Variants in F13A1 observed in about 807,000 individuals in gnomAD.
The protein encoded by F13A1 is FSF, A subunit.
A neutral mutation model predicts 80.1 loss-of-function variants in F13A1; 47 were observed. The observed-to-expected ratio is 0.59, with a 90% CI of 0.46 to 0.75. F13A1 has a LOEUF of 0.75. Among genes scored for constraint, F13A1 ranks in the 30% least tolerant of loss-of-function variants. The probability of loss-of-function intolerance (pLI) is 0.00; values close to 1 mark genes in which losing one functional copy is unlikely to be tolerated. For missense variants in F13A1, 817 were observed against 930.4 expected, an observed-to-expected ratio of 0.88 and a Z score of 1.59; for synonymous variants, 349 against 344.9, an observed-to-expected ratio of 1.01 and a Z score of -0.13.
intron 4 of F13A1, among the ~76,000 whole-genome samples, chr6:6,253,774 T>G (rs1757667917): frequency 6.6e-6 from 1 of 152,204 alleles, no homozygotes; most frequent in Admixed American, 6.5e-5. Flanking sequence ...TGGAAGGAGC[T>G]AGATGTGTAT....
chr6:6,285,315 G>A (rs1327904319), intron 3 of F13A1, among the ~76,000 whole-genome samples: 3 of 152,352 alleles, frequency 2.0e-5, no homozygotes, highest in South Asian at 2.1e-4. Flanking sequence ...GTCACAAACT[G>A]CTGGACACAG....
At chr6:6,274,825 GA>G (rs1757966231) in intron 3 of F13A1, among the ~76,000 whole-genome samples, 1 of 152,192 alleles carries the variant, frequency 6.6e-6, no homozygotes, top group African/African-American at 2.4e-5. Context: ...CTTAAAGGTG[GA>G]AAAGGTAGAG....
At chr6:6,203,626 C>T (rs1309688583) in intron 8 of F13A1, among the ~76,000 whole-genome samples, 1 of 152,164 alleles carries the variant, frequency 6.6e-6, no homozygotes, top group Admixed American at 6.5e-5. Flanking sequence ...CAGTCCCAGC[C>T]AACACTGATC....
At chr6:6,287,065 A>G (rs1249074136) in intron 3 of F13A1, among the ~76,000 whole-genome samples, 1 of 152,224 alleles carries the variant, frequency 6.6e-6, no homozygotes, top group East Asian at 1.9e-4. Context: ...ATTAATCCTT[A>G]CAACATGCTT....
Position 6,318,523 on chromosome 6 carries a change from G to A in F13A1, c.130+12C>T, listed in dbSNP as rs755778840. On this transcript the variant is annotated intron_variant, in intron 2 of 14. Coordinates refer to ENST00000264870, the MANE Select transcript of F13A1 (RefSeq NM_000129.4). ...GGACCCAGAGTGGTGGGGAAGGGGGGTATGCTCATACCTTGCAGGTTGACG... is the reference window on the plus strand; with the variant it reads ...GGACCCAGAGTGGTGGGGAAGGGGGATATGCTCATACCTTGCAGGTTGACG... The A allele has an allele frequency of 2.5e-6, 4 of 1,610,526 alleles. No individual in the cohort carries two copies. Among genetic ancestry groups the A allele is most frequent in the South Asian group, 2.2e-5 (2 of 90,180 alleles).
chr6:6,275,118 A>T (rs1168045347), intron 3 of F13A1, among the ~76,000 whole-genome samples: 2 of 152,096 alleles, frequency 1.3e-5, no homozygotes, highest in East Asian at 3.9e-4. Context: ...TTTGAGAGGG[A>T]CAAGAGTGGA....
intron 3 of F13A1, 41 bp downstream of exon 3, chr6:6,305,310 A>G: frequency 6.2e-7 from 1 of 1,609,572 alleles, no homozygotes; most frequent in Non-Finnish European, 8.5e-7. Context: ...TCTACAATGC[A>G]ACCCATGGTG....
intron 10 of F13A1, 101 bp from the exon 11 acceptor site, chr6:6,182,242 A>C: frequency 7.8e-7 from 1 of 1,284,706 alleles, no homozygotes; most frequent in East Asian, 2.3e-5. Context: ...TCTGGAGCTG[A>C]CATGCCCCTT....
chr6:6,245,541 T>C (rs1757543954), intron 6 of F13A1, among the ~76,000 whole-genome samples: 1 of 152,226 alleles, frequency 6.6e-6, no homozygotes, highest in Non-Finnish European at 1.5e-5. Context: ...AGATTCTTAT[T>C]ATGATTGAAA....
At chr6:6,188,874 C>T (rs1374401500) in intron 10 of F13A1, among the ~76,000 whole-genome samples, 1 of 74,132 alleles carries the variant, frequency 1.3e-5, no homozygotes, top group Non-Finnish European at 2.3e-5. Flanking sequence ...CTTTGTAGGT[C>T]TCTAAGAACT....
At chr6:6,218,836 C>T (rs1319786434) in intron 8 of F13A1, among the ~76,000 whole-genome samples, 1 of 152,158 alleles carries the variant, frequency 6.6e-6, no homozygotes, top group African/African-American at 2.4e-5. Context: ...TCACTCCTGG[C>T]TCTGGAGTGT....
intron 13 of F13A1, among the ~76,000 whole-genome samples, chr6:6,155,465 G>A (rs184828275): frequency 2.4e-4 from 36 of 152,206 alleles, no homozygotes; most frequent in Non-Finnish European, 4.3e-4. Flanking sequence ...GATGGGGAGG[G>A]GTGAGAGGAG....
chr6:6,301,461 A>C (rs1412342237), intron 3 of F13A1, among the ~76,000 whole-genome samples: 1 of 152,206 alleles, frequency 6.6e-6, no homozygotes, highest in Non-Finnish European at 1.5e-5. Flanking sequence ...CTTCAAATAC[A>C]TGTGGCCCTG....
chr6:6,163,451 A>G (rs1760607724), intron 13 of F13A1, among the ~76,000 whole-genome samples: 1 of 152,158 alleles, frequency 6.6e-6, no homozygotes, highest in Non-Finnish European at 1.5e-5. Flanking sequence ...CCTAGTAGCC[A>G]TTAGTTATTT....
chr6:6,271,218 T>C (rs866090700), intron 3 of F13A1, among the ~76,000 whole-genome samples: 7 of 152,332 alleles, frequency 4.6e-5, no homozygotes, highest in Non-Finnish European at 1.0e-4. Flanking sequence ...TACACCCATG[T>C]TTAATTCTGA....
At chr6:6,205,348 T>C (rs1285370642) in intron 8 of F13A1, among the ~76,000 whole-genome samples, 1 of 152,134 alleles carries the variant, frequency 6.6e-6, no homozygotes, top group Non-Finnish European at 1.5e-5. Context: ...TAATAAGTGC[T>C]CAGACACAGG....
chr6:6,310,076 A>G (rs1758568716), intron 2 of F13A1, among the ~76,000 whole-genome samples: 1 of 152,186 alleles, frequency 6.6e-6, no homozygotes, highest in African/African-American at 2.4e-5. Context: ...AGCCTAGTGT[A>G]CCTGGTTAAT....
rs2113098698 is a variant in F13A1, at chr6:6,248,348, C to T, written c.762G>A (p.Gly254=). 5 of 1,613,866 alleles carry T rather than the reference C, an allele frequency of 3.1e-6. No individual in the cohort carries two copies. Among genetic ancestry groups the T allele is most frequent in the Middle Eastern group, 1.7e-4 (1 of 6,056 alleles). ...CCACACGGCTGACTTTGATGGGATT[C>T]CCTCTTCCAGAGAGGTCCATTTGTG... is the stretch of plus-strand genomic sequence containing the variant. ...DRAQMDLSGR[G]NPIKVSRVGS... The change falls in exon 6 of 15, where the codon GGG becomes GGA. Residue 254 remains glycine (G), a synonymous_variant. Coordinates refer to ENST00000264870, the MANE Select transcript of F13A1 (RefSeq NM_000129.4).
At chr6:6,247,867 G>A (rs1372945962) in intron 6 of F13A1, among the ~76,000 whole-genome samples, 1 of 152,208 alleles carries the variant, frequency 6.6e-6, no homozygotes, top group Non-Finnish European at 1.5e-5. Context: ...CTTGTGACAG[G>A]AGTTAGGATG....
Sources: allele counts gnomAD v4.1 joint callset (sites outside exome capture counted in the v4.1 genomes callset), GRCh38; gene constraint gnomAD v4.1.1; transcripts MANE v1.5; gene names NCBI Gene and HGNC (gene_info 2026-07-23, HGNC 2026-07-21).